ELP2: variants seen among roughly 807,000 people sequenced by gnomAD.
ELP2 encodes the protein elongator complex protein 2.
A neutral mutation model predicts 119.2 loss-of-function variants in ELP2; 90 were observed. The ratio of observed to expected loss-of-function variants is 0.75; its 90% CI spans 0.64 to 0.90. The LOEUF is 0.90. ELP2 is among the 40% of genes least tolerant of loss of function. ELP2 has a pLI of 0.00. For missense variants in ELP2, 921 were observed against 967.8 expected (o/e 0.95, Z 0.64); for synonymous variants, 339 against 331.0 (o/e 1.02, Z -0.26).
At chr18:36,167,018 A>G in intron 18 of ELP2, 83 bp from the exon 19 acceptor site, 2 of 1,415,006 alleles carry the variant, frequency 1.4e-6, no homozygotes, top group Non-Finnish European at 1.9e-6. Flanking sequence ...CATATGGTGT[A>G]TATGGCACTT....
Position 36,144,913 on chromosome 18 carries a change from T to A in ELP2, c.797-26T>A, listed in dbSNP as rs1034597747. On this transcript the variant is annotated intron_variant, in intron 8 of 21. Coordinates refer to ENST00000358232, the MANE Select transcript of ELP2 (RefSeq NM_018255.4). ...TCTTTTTAGAAGAGCTTTGAGGAAA[T>A]AATACCTTCATTGCTTTTGTTATAG... The A allele has an allele frequency of 3.8e-6, 6 of 1,563,036 alleles. No individual in the cohort carries two copies. In the African/African-American group the frequency reaches 8.1e-5, roughly 21 times the overall value.
intron 6 of ELP2, 71 bp from the exon 7 acceptor site, chr18:36,142,210 C>A: frequency 4.0e-6 from 5 of 1,257,154 alleles, no homozygotes; most frequent in South Asian, 1.2e-5. Context: ...TGTCTGAGAC[C>A]AAATGATGTC....
At position 36,175,581 on chromosome 18, in the gene ELP2, G is replaced by GT. The variant is rs2091205935; in HGVS notation, c.*941dup. 6.6e-6 allele frequency: 1 copy of GT among 152,240 alleles called. No individual in the cohort carries two copies. The highest frequency in any genetic ancestry group is 1.5e-5 in the Non-Finnish European group (1 of 68,050). 9.4% of individuals were successfully genotyped at this position (152,240 alleles called of 1,614,324 possible). On this transcript the variant is annotated 3_prime_UTR_variant, in exon 22 of 22. Transcript: ENST00000358232. ...AGAGTTCTGAAACATTTGAATTTATGTGACAGCTGAAGTCACGAGATGAGG... is the reference window on the plus strand; with the variant it reads ...AGAGTTCTGAAACATTTGAATTTATGTTGACAGCTGAAGTCACGAGATGAGG...
In ELP2 at chr18:36,152,630, G is replaced by A. The variant is rs187954737; in HGVS notation, c.1126-2220G>A. Among the ~76,000 whole-genome samples the A allele has an allele frequency of 5.3e-5, 8 of 152,230 alleles. No homozygotes were observed. In the East Asian group the frequency reaches 1.4e-3, roughly 26 times the overall value. ...ATGATGTTAGGCAGTCCCCATTTTT[G>A]GGGGTAAACAGACCTTACAGTGGCA... is the stretch of plus-strand genomic sequence containing the variant. On this transcript the variant is annotated intron_variant, in intron 11 of 21. Transcript: ENST00000358232.
Position 36,138,776 on chromosome 18 carries a change from G to T in ELP2, c.446-19G>T, listed in dbSNP as rs1336964875. 1.9e-6 allele frequency: 3 copies of T among 1,604,068 alleles called. No homozygotes were observed. Among genetic ancestry groups the T allele is most frequent in the South Asian group, 2.2e-5 (2 of 90,822 alleles). ...TCTGAGGTAGTTAGTTGTTCATTGT[G>T]TTTTTTATTATTTCTTAGTAATGTG... is the stretch of plus-strand genomic sequence containing the variant. On this transcript the variant is annotated intron_variant, in intron 4 of 21. Transcript: ENST00000358232.
intron 3 of ELP2, among the ~76,000 whole-genome samples, chr18:36,137,529 C>T (rs1340460503): frequency 6.6e-6 from 1 of 151,954 alleles, no homozygotes; most frequent in Non-Finnish European, 1.5e-5. Context: ...ATAGAAGATA[C>T]CTTTTAAAAG....
rs199731552 is a variant in ELP2 at position 36,157,039 on chromosome 18, TAGATG to T, written c.1464+389_1464+393del. Among the ~76,000 whole-genome samples, 237 of 152,320 alleles carry T rather than the reference TAGATG, an allele frequency of 1.6e-3. 5 individuals are homozygous for T. The East Asian group carries it at 0.039, about 25-fold the overall frequency. On this transcript the variant is annotated intron_variant, in intron 13 of 21. Coordinates refer to ENST00000358232, the MANE Select transcript of ELP2 (RefSeq NM_018255.4). ...GTGGAACTAATGTATCTGCAGTTGT[TAGATG>T]AGACCAGTTAATTGCTAAATCTTAT...
At chr18:36,153,610 C>CA (rs2090471452) in intron 11 of ELP2, among the ~76,000 whole-genome samples, 1 of 152,160 alleles carries the variant, frequency 6.6e-6, no homozygotes, top group African/African-American at 2.4e-5. Flanking sequence ...GCCCCTACCC[C>CA]AGCAGTCACA....
rs1472547710 is a variant in ELP2 at position 36,161,383 on chromosome 18, A to C, written c.1761+379A>C. 2.0e-5 allele frequency among the ~76,000 whole-genome samples: 3 copies of C among 152,232 alleles called. No homozygotes were observed. The East Asian group carries it at 5.8e-4, about 29-fold the overall frequency. ...ACTCCAGCCTGGGTGACAGAGTGAG[A>C]CTCTGTATATAAAACAGCGATATCT... On this transcript the variant is annotated intron_variant, in intron 17 of 21. Transcript: ENST00000358232.
intron 17 of ELP2, among the ~76,000 whole-genome samples, chr18:36,161,666 T>C (rs1349871444): frequency 6.6e-6 from 1 of 152,212 alleles, no homozygotes; most frequent in African/African-American, 2.4e-5. Flanking sequence ...CACACATTCG[T>C]CTTAAATTTT....
Position 36,138,394 on chromosome 18 carries a change from C to T in ELP2, c.413C>T (p.Ala138Val). Residue 138 changes from alanine (A) to valine (V), a missense_variant, in exon 4 of 22, where the codon GCT (alanine) becomes GTT (valine). Transcript: ENST00000358232. Reference protein sequence around the residue: ...TLIVSAAADSAVRLWSKKGPE... With the variant: ...TLIVSAAADSVVRLWSKKGPE... ...ATCGTTTCTGCAGCTGCAGATTCTGCTGTTCGACTCTGGTCTAAAAAGGGT... is the reference window on the plus strand; with the variant it reads ...ATCGTTTCTGCAGCTGCAGATTCTGTTGTTCGACTCTGGTCTAAAAAGGGT... 2 of 1,614,082 alleles carry T rather than the reference C, an allele frequency of 1.2e-6. No individual in the cohort carries two copies. The highest frequency in any genetic ancestry group is 1.7e-6 in the Non-Finnish European group (2 of 1,180,010).
At chr18:36,160,156 T>C in intron 16 of ELP2, 141 bp downstream of exon 16, 1 of 733,700 alleles carries the variant, frequency 1.4e-6, no homozygotes, top group Non-Finnish European at 2.4e-6. Context: ...TTAGTGGCTC[T>C]TCATAAGGAA....
chr18:36,145,143 A>C, intron 9 of ELP2, 109 bp downstream of exon 9: 1 of 841,456 alleles, frequency 1.2e-6, no homozygotes, highest in South Asian at 1.3e-5. Flanking sequence ...AATCTCAAAT[A>C]CATGACATTT....
intron 2 of ELP2, among the ~76,000 whole-genome samples, chr18:36,135,391 T>A: frequency 6.6e-6 from 1 of 152,216 alleles, no homozygotes; most frequent in East Asian, 1.9e-4. Context: ...CTTAAAATCA[T>A]ATAGTTAGTT....
At position 36,146,335 on chromosome 18, in the gene ELP2, C is replaced by T. The variant is rs1163144270; in HGVS notation, c.1079C>T (p.Ala360Val). The change falls in exon 11 of 22, where the codon GCT becomes GTT. Residue 360 changes from alanine (A) to valine (V), a missense_variant. Ala to Val is a moderately conservative substitution (Grantham distance 64, BLOSUM62 0). Transcript: ENST00000358232. ...GATGGCTCCATGATCATTGCTCATG[C>T]TTTCCACGGAGCGTTGCACCTTTGG... The part of the protein sequence containing the change: ...NEDGSMIIAH[A>V]FHGALHLWKQ... 5 of 1,613,932 alleles carry T rather than the reference C, an allele frequency of 3.1e-6. No homozygotes were observed. The highest frequency in any genetic ancestry group is 4.2e-6 in the Non-Finnish European group (5 of 1,179,918).
Position 36,130,142 on chromosome 18 carries a change from C to G in ELP2, c.138+71C>G, listed in dbSNP as rs1052173341. 2.5e-6 allele frequency: 4 copies of G among 1,599,154 alleles called. No individual in the cohort carries two copies. In the African/African-American group the frequency reaches 5.4e-5, roughly 21 times the overall value. On this transcript the variant is annotated intron_variant, in intron 1 of 21. Coordinates refer to ENST00000358232, the MANE Select transcript of ELP2 (RefSeq NM_018255.4). ...AACCTGTGGACGTGCTCCGGGCGCGCTGTTAGTTGCCGCCCCAGACCTAGG... is the reference window on the plus strand; with the variant it reads ...AACCTGTGGACGTGCTCCGGGCGCGGTGTTAGTTGCCGCCCCAGACCTAGG...
chr18:36,132,288 G>C (rs755067436), intron 1 of ELP2, among the ~76,000 whole-genome samples: 1 of 152,188 alleles, frequency 6.6e-6, no homozygotes, highest in African/African-American at 2.4e-5. Context: ...GACCATCTGT[G>C]GGCTAGCCCT....
At chr18:36,153,173 CT>C (rs1361704152) in intron 11 of ELP2, among the ~76,000 whole-genome samples, 1 of 152,044 alleles carries the variant, frequency 6.6e-6, no homozygotes, top group Non-Finnish European at 1.5e-5. Context: ...GAATATTTCA[CT>C]TTTTTCTTTT....
intron 4 of ELP2, 118 bp downstream of exon 4, chr18:36,138,544 A>C (rs2089913379): frequency 1.7e-6 from 2 of 1,176,804 alleles, no homozygotes; most frequent in African/African-American, 1.6e-5. Flanking sequence ...AAATACTATA[A>C]TTCTAATCTA....
Sources: gnomAD v4.1 joint callset for allele counts (sites outside exome capture counted in the v4.1 genomes callset) on GRCh38, gnomAD v4.1.1 for gene constraint, MANE v1.5 for transcripts, NCBI Gene and HGNC (gene_info 2026-07-23, HGNC 2026-07-21) for gene names.